The following SLC47A1 variants were observed in gnomAD, a reference collection of about 807,000 sequenced individuals.
SLC47A1 encodes solute carrier family 47 member 1.
A neutral mutation model predicts 65.8 loss-of-function variants in SLC47A1; 58 were observed. The observed-to-expected ratio is 0.88, with a 90% CI of 0.71 to 1.10. The LOEUF is 1.10. Ranked by LOEUF, SLC47A1 falls within the 50% of genes least tolerant of loss-of-function variation. The pLI is 0.00. For synonymous variants in SLC47A1, 285 were observed against 295.0 expected (o/e 0.97, Z 0.35); for missense variants, 706 against 719.2 (o/e 0.98, Z 0.21).
chr17:19,551,898 C>G (rs1469546306), intron 6 of SLC47A1, among the ~76,000 whole-genome samples: 1 of 152,252 alleles, frequency 6.6e-6, no homozygotes, highest in Non-Finnish European at 1.5e-5. Context: ...AATGGCCCCA[C>G]TTTTCTCATT....
chr17:19,550,447 C>A (rs771158703), intron 5 of SLC47A1, among the ~76,000 whole-genome samples: 9 of 152,172 alleles, frequency 5.9e-5, no homozygotes, highest in Non-Finnish European at 1.0e-4. Flanking sequence ...TCCTGATTAG[C>A]CGATACTACA....
intron 6 of SLC47A1, among the ~76,000 whole-genome samples, chr17:19,552,038 C>T (rs761812243): frequency 9.2e-5 from 14 of 152,210 alleles, no homozygotes; most frequent in Non-Finnish European, 1.9e-4. Flanking sequence ...ATGTGGGACT[C>T]TCTACATTCT....
intron 1 of SLC47A1, among the ~76,000 whole-genome samples, chr17:19,540,878 C>A (rs75781302): frequency 1.7e-3 from 211 of 127,178 alleles, no homozygotes; most frequent in African/African-American, 6.0e-3. Flanking sequence ...ACACACACAC[C>A]CCTAGGGTTA....
intron 1 of SLC47A1, among the ~76,000 whole-genome samples, chr17:19,540,727 G>A (rs1019879841): frequency 5.3e-5 from 8 of 152,054 alleles, no homozygotes; most frequent in Admixed American, 3.9e-4. Context: ...TTGCAAAAGC[G>A]CTCCTCACGT....
rs764341711 is a variant in SLC47A1 at position 19,560,185 on chromosome 17, T to C, written c.922-3T>C. ...ATTGTTGCAGGTTTCCTTTTTATTT[T>C]AGGTCCCTGCAGGCTTCAGTGTGGC... On this transcript the variant is annotated splice_polypyrimidine_tract_variant and splice_region_variant and intron_variant, in intron 10 of 16. Coordinates refer to ENST00000270570, the MANE Select transcript of SLC47A1 (RefSeq NM_018242.3). The C allele has an allele frequency of 1.9e-6, 3 of 1,604,372 alleles. No individual in the cohort carries two copies. The highest frequency in any genetic ancestry group is 2.2e-5 in the South Asian group (2 of 89,728).
chr17:19,554,860 C>T (rs114820850), intron 6 of SLC47A1, among the ~76,000 whole-genome samples: 107 of 152,310 alleles, frequency 7.0e-4, no homozygotes, highest in African/African-American at 2.5e-3. Context: ...TTCTCATTTT[C>T]TCCTATCGTC....
chr17:19,574,336 C>G (rs1017865595), intron 16 of SLC47A1, among the ~76,000 whole-genome samples: 1 of 152,066 alleles, frequency 6.6e-6, no homozygotes, highest in Non-Finnish European at 1.5e-5. Context: ...CCCTGGTCAG[C>G]GTCTCAGTCA....
At chr17:19,557,077 C>A (rs1037038484) in intron 10 of SLC47A1, 2 of 152,418 alleles carry the variant, frequency 1.3e-5, no homozygotes, top group African/African-American at 4.8e-5. Context: ...GAAGCAAGTA[C>A]CATTTTAGAA....
Position 19,567,373 on chromosome 17 carries a change from G to C in SLC47A1, c.1309+145G>C, listed in dbSNP as rs989169852. 12 of 1,240,504 alleles carry C rather than the reference G, an allele frequency of 9.7e-6. No individual in the cohort carries two copies. In the African/African-American group the frequency reaches 1.5e-4, roughly 15 times the overall value. 76.8% of individuals were successfully genotyped at this position (1,240,504 alleles called of 1,614,324 possible). On this transcript the variant is annotated intron_variant, in intron 14 of 16. Coordinates refer to ENST00000270570, the MANE Select transcript of SLC47A1 (RefSeq NM_018242.3). ...TTCTGTGTCTTGTCAGAGAGTGTAG[G>C]GGGCGTTCAGGAGGTGACCTCCAGC...
intron 15 of SLC47A1, 117 bp from the exon 16 acceptor site, chr17:19,572,663 C>G: frequency 1.1e-6 from 1 of 871,962 alleles, no homozygotes; most frequent in Non-Finnish European, 1.9e-6. Context: ...ATGAGAGGAA[C>G]TTCAGCTATA....
chr17:19,539,840 T>C lies in SLC47A1; in HGVS notation c.136-2553T>C, dbSNP rs1597492637. On this transcript the variant is annotated intron_variant, in intron 1 of 16. Coordinates refer to ENST00000270570, the MANE Select transcript of SLC47A1 (RefSeq NM_018242.3). Reference sequence around the variant, plus strand: ...GGCAAAGGCTCCCAGGTGGCCCTTATGTACATGATCCACAGTCTATGGCCA... The same window carrying C: ...GGCAAAGGCTCCCAGGTGGCCCTTACGTACATGATCCACAGTCTATGGCCA... 2.0e-5 allele frequency among the ~76,000 whole-genome samples: 3 copies of C among 152,098 alleles called. No homozygotes were observed. In the South Asian group the frequency reaches 6.2e-4, roughly 32 times the overall value.
intron 5 of SLC47A1, among the ~76,000 whole-genome samples, chr17:19,551,075 A>T (rs1208861646): frequency 6.6e-6 from 1 of 152,298 alleles, no homozygotes; most frequent in East Asian, 1.9e-4. Context: ...TGATTCCACC[A>T]CATAGGACCA....
intron 1 of SLC47A1, chr17:19,534,939 G>A (rs1049835030): frequency 4.6e-5 from 7 of 152,182 alleles, no homozygotes; most frequent in African/African-American, 1.7e-4. Context: ...TGCACTTAAG[G>A]CGTGAATAAG....
At chr17:19,546,292 G>A (rs1916289442) in intron 2 of SLC47A1, 143 bp from the exon 3 acceptor site, 1 of 724,816 alleles carries the variant, frequency 1.4e-6, no homozygotes, top group Admixed American at 2.2e-5. Flanking sequence ...TATGAGTGGG[G>A]TCCAGGCAGC....
At chr17:19,572,050 A>C (rs1046082044) in intron 15 of SLC47A1, among the ~76,000 whole-genome samples, 3 of 152,178 alleles carry the variant, frequency 2.0e-5, no homozygotes, top group Non-Finnish European at 4.4e-5. Flanking sequence ...GCTATTCAGG[A>C]GGCTGAGGCA....
At position 19,578,240 on chromosome 17, in the gene SLC47A1, C is replaced by G. The variant is rs368728225; in HGVS notation, c.*687C>G. 2.9e-6 allele frequency: 1 copy of G among 346,414 alleles called. No individual in the cohort carries two copies. Among genetic ancestry groups the G allele is most frequent in the Non-Finnish European group, 5.7e-6 (1 of 175,592 alleles). The allele number at this position is 346,414 out of a possible 1,614,324, so 21.5% of individuals were successfully genotyped here. A position where few individuals can be genotyped will look rare whatever the true frequency, so the allele number is the denominator to read the frequency against. ...ATCTTTCGAGCTGTGGAAATCCAAA[C>G]AAAGACTGATAATTCCTGGTAGGGG... On this transcript the variant is annotated 3_prime_UTR_variant, in exon 17 of 17. Transcript: ENST00000270570.
intron 6 of SLC47A1, among the ~76,000 whole-genome samples, chr17:19,554,246 A>T (rs1315794229): frequency 6.6e-6 from 1 of 152,218 alleles, no homozygotes; most frequent in African/African-American, 2.4e-5. Context: ...GCCCAACATC[A>T]GGCCTGGGCT....
At chr17:19,549,810 C>G (rs967423761) in intron 5 of SLC47A1, 133 bp downstream of exon 5, 1 of 961,160 alleles carries the variant, frequency 1.0e-6, no homozygotes, top group Non-Finnish European at 1.6e-6. Context: ...TTCAAGGAAG[C>G]CTGTTTTTAT....
chr17:19,546,076 C>T (rs995106770), intron 2 of SLC47A1, among the ~76,000 whole-genome samples: 1 of 151,984 alleles, frequency 6.6e-6, no homozygotes, highest in African/African-American at 2.4e-5. Flanking sequence ...AAAAATTAGC[C>T]GGTCATGGTA....
Sources: gnomAD v4.1 joint callset for allele counts (sites outside exome capture counted in the v4.1 genomes callset) on GRCh38, gnomAD v4.1.1 for gene constraint, MANE v1.5 for transcripts, NCBI Gene and HGNC (gene_info 2026-07-23, HGNC 2026-07-21) for gene names.